The following GRAMD4 variants were observed in gnomAD, a reference collection of about 807,000 sequenced individuals.
The protein encoded by GRAMD4 is GRAM domain-containing protein 4.
In GRAMD4, 25 loss-of-function variants were observed where a neutral mutation model predicts 83.9. That is an observed-to-expected ratio of 0.30 (90% CI 0.22 to 0.42). The LOEUF (loss-of-function observed/expected upper bound fraction) is 0.42. GRAMD4 is among the 10% of genes least tolerant of loss of function. The pLI, the probability that GRAMD4 is intolerant of heterozygous loss-of-function variation, is 1.00. For synonymous variants in GRAMD4, 336 were observed against 320.9 expected (o/e 1.05, Z -0.50); for missense variants, 593 against 788.7 (o/e 0.75, Z 2.97).
At chr22:46,615,026 C>T (rs1336322682) in intron 1 of GRAMD4, among the ~76,000 whole-genome samples, 2 of 91,270 alleles carry the variant, frequency 2.2e-5, no homozygotes, top group Admixed American at 9.8e-5. Context: ...CGTGTGGGTT[C>T]CCCCGTGTGT....
chr22:46,637,592 C>T (rs1419261956), intron 2 of GRAMD4, among the ~76,000 whole-genome samples: 1 of 152,198 alleles, frequency 6.6e-6, no homozygotes, highest in Non-Finnish European at 1.5e-5. Context: ...TGAGGATATC[C>T]ACATTCTCTG....
rs1057509344 is a variant in GRAMD4 at position 46,620,746 on chromosome 22, C to G, written c.-50+181C>G. Among the ~76,000 whole-genome samples the G allele has an allele frequency of 4.5e-4, 69 of 152,208 alleles. No homozygotes were observed. The highest frequency in any genetic ancestry group is 1.5e-3 in the African/African-American group (62 of 41,526). On this transcript the variant is annotated intron_variant, in intron 1 of 18. Coordinates refer to ENST00000406902, the MANE Select transcript of GRAMD4 (RefSeq NM_015124.5). This position sits in a 1 kb window ranked among gnomAD's most constrained non-coding sequence, Gnocchi z 4.7. ...AAGGCCGGGTGCAGGCCAGACCCCA[C>G]CGGTAAAGCACCTGCGCAGCCCGGG...
intron 15 of GRAMD4, among the ~76,000 whole-genome samples, chr22:46,674,146 C>T (rs574438505): frequency 4.1e-4 from 62 of 152,358 alleles, no homozygotes; most frequent in African/African-American, 1.4e-3. Context: ...GCCCCTGGTT[C>T]CATCGTGTCT....
At chr22:46,646,051 C>T (rs1298469779) in intron 3 of GRAMD4, among the ~76,000 whole-genome samples, 7 of 152,168 alleles carry the variant, frequency 4.6e-5, no homozygotes, top group Admixed American at 6.5e-5. Context: ...GGGGGCTTCC[C>T]GGTTGCTAGG....
chr22:46,662,655 G>A lies in GRAMD4; in HGVS notation c.467-385G>A, dbSNP rs887452839. ...CTCTCCATCTGCTTTCTGACAACCC[G>A]GAGGTAGAAAGGGGGTTTGATGCAG... On this transcript the variant is annotated intron_variant, in intron 5 of 18. Coordinates refer to ENST00000406902, the MANE Select transcript of GRAMD4 (RefSeq NM_015124.5). 7.2e-5 allele frequency among the ~76,000 whole-genome samples: 11 copies of A among 152,322 alleles called. No individual in the cohort carries two copies. In the East Asian group the frequency reaches 1.2e-3, roughly 16 times the overall value.
At chr22:46,661,033 T>C (rs532119089) in intron 4 of GRAMD4, among the ~76,000 whole-genome samples, 1 of 152,176 alleles carries the variant, frequency 6.6e-6, no homozygotes, top group African/African-American at 2.4e-5. Flanking sequence ...GATAAACACA[T>C]GTGTGTTGAT....
At chr22:46,668,624 C>A in intron 11 of GRAMD4, 65 bp from the exon 12 acceptor site, 1 of 1,459,750 alleles carries the variant, frequency 6.9e-7, no homozygotes, top group Non-Finnish European at 9.6e-7. Context: ...GCCCTCCTGG[C>A]GTCGCGGTGT....
chr22:46,642,338 C>T (rs11705161), intron 3 of GRAMD4, among the ~76,000 whole-genome samples: 8 of 152,206 alleles, frequency 5.3e-5, no homozygotes, highest in African/African-American at 7.2e-5. Flanking sequence ...GGTGACCTGT[C>T]GTGTGTGGAC....
chr22:46,621,110 AG>A lies in GRAMD4; in HGVS notation c.-50+548del, dbSNP rs1156887266. 1.5e-5 allele frequency among the ~76,000 whole-genome samples: 2 copies of A among 134,684 alleles called. No individual in the cohort carries two copies. The highest frequency in any genetic ancestry group is 7.3e-5 in the Admixed American group (1 of 13,708). 88.4% of individuals were successfully genotyped at this position (134,684 alleles called of 152,430 possible). On this transcript the variant is annotated intron_variant, in intron 1 of 18. Transcript: ENST00000406902. The surrounding 1 kb of genome is among the most constrained non-coding windows in gnomAD (Gnocchi z 5.8). ...TGGGGATGGGCAGCTAGAAGTGGGG[AG>A]GGCAGGGGCCGTCTGGTTGGGGATG...
chr22:46,644,603 C>T (rs928937945), intron 3 of GRAMD4, among the ~76,000 whole-genome samples: 4 of 151,846 alleles, frequency 2.6e-5, no homozygotes, highest in African/African-American at 9.7e-5. Context: ...TACATCTGTC[C>T]CTGTTCCAGG....
At chr22:46,626,013 C>T (rs945689964) in intron 1 of GRAMD4, among the ~76,000 whole-genome samples, 5 of 152,228 alleles carry the variant, frequency 3.3e-5, no homozygotes, top group Admixed American at 1.3e-4. Flanking sequence ...TGCCTGACCC[C>T]GCTGTCTCTG....
intron 13 of GRAMD4, among the ~76,000 whole-genome samples, chr22:46,670,733 G>A (rs117878819): frequency 0.03 from 4,572 of 152,276 alleles, 99 homozygotes; most frequent in Non-Finnish European, 0.042. Flanking sequence ...AGCCTCGGGA[G>A]TAGCTGGGAT....
rs115451840 is a variant in GRAMD4, at chr22:46,628,801, T to C, written c.162+1840T>C. Among the ~76,000 whole-genome samples the C allele has an allele frequency of 9.9e-3, 1,502 of 151,590 alleles. 22 individuals are homozygous for C. Among genetic ancestry groups the C allele is most frequent in the African/African-American group, 0.032 (1,332 of 41,250 alleles). ...ATCAGGGATCCCCTTCGGGGGAGGGTCAGTGTCAGAGCTGGCCGCTCCAGG... is the reference window on the plus strand; with the variant it reads ...ATCAGGGATCCCCTTCGGGGGAGGGCCAGTGTCAGAGCTGGCCGCTCCAGG... On this transcript the variant is annotated intron_variant, in intron 2 of 18. Coordinates refer to ENST00000406902, the MANE Select transcript of GRAMD4 (RefSeq NM_015124.5).
chr22:46,588,293 A>AGGGG (rs1402033715), intron 1 of GRAMD4, among the ~76,000 whole-genome samples: 7 of 152,094 alleles, frequency 4.6e-5, no homozygotes, highest in Admixed American at 2.0e-4. Flanking sequence ...GTAGGTCAGG[A>AGGGG]GGGGCAGAGC....
upstream of GRAMD4, among the ~76,000 whole-genome samples, chr22:46,617,077 C>T (rs534822920): frequency 1.4e-4 from 12 of 83,500 alleles, no homozygotes; most frequent in African/African-American, 4.7e-4. Context: ...TTCCCCTGTG[C>T]GTGTGGGTTC....
At chr22:46,649,968 T>C (rs934257261) in intron 3 of GRAMD4, among the ~76,000 whole-genome samples, 12 of 152,158 alleles carry the variant, frequency 7.9e-5, no homozygotes, top group Admixed American at 7.9e-4. Flanking sequence ...TCTAGAAAGT[T>C]CCTGTGGTGA....
chr22:46,636,548 C>A (rs2081891015), intron 2 of GRAMD4, among the ~76,000 whole-genome samples: 1 of 152,376 alleles, frequency 6.6e-6, no homozygotes, highest in Admixed American at 6.5e-5. Flanking sequence ...GATACATGTG[C>A]AAGGAGCCGT....
At chr22:46,662,959 C>T (rs1339505975) in intron 5 of GRAMD4, 81 bp from the exon 6 acceptor site, 5 of 1,378,888 alleles carry the variant, frequency 3.6e-6, no homozygotes, top group Non-Finnish European at 4.9e-6. Flanking sequence ...GAGGCCCCTC[C>T]CTGCCCTGAG....
In GRAMD4 at chr22:46,621,992, G is replaced by A. The variant is rs1307183520; in HGVS notation, c.-50+1427G>A. Among the ~76,000 whole-genome samples, 1 of 152,176 alleles carries A rather than the reference G, an allele frequency of 6.6e-6. No homozygotes were observed. The highest frequency in any genetic ancestry group is 1.5e-5 in the Non-Finnish European group (1 of 68,014). On this transcript the variant is annotated intron_variant, in intron 1 of 18. Transcript: ENST00000406902. The surrounding 1 kb of genome is among the most constrained non-coding windows in gnomAD (Gnocchi z 5.8). ...TGTGTGGACGCCCTCCCCAAGGGCC[G>A]CTGTGAACCATCCAGCAGGATGACC...
Sources: gnomAD v4.1 joint callset for allele counts (sites outside exome capture counted in the v4.1 genomes callset) on GRCh38, gnomAD v4.1.1 for gene constraint, Gnocchi (gnomAD v3.1) non-coding constraint, MANE v1.5 for transcripts, NCBI Gene and HGNC (gene_info 2026-07-23, HGNC 2026-07-21) for gene names.